The following CCDC85C variants were observed in gnomAD, a reference collection of about 807,000 sequenced individuals.
The protein encoded by CCDC85C is coiled-coil domain containing 85C.
A neutral mutation model predicts 38.3 loss-of-function variants in CCDC85C; 18 were observed. The ratio of observed to expected loss-of-function variants is 0.47; its 90% CI spans 0.33 to 0.70. The LOEUF (loss-of-function observed/expected upper bound fraction) is 0.70, where lower values mean the gene tolerates loss of function less well. CCDC85C is among the 30% of genes least tolerant of loss of function. The probability of loss-of-function intolerance (pLI) is 0.03; values close to 1 mark genes in which losing one functional copy is unlikely to be tolerated. For missense variants in CCDC85C, 566 were observed against 621.2 expected (o/e 0.91, Z 0.94); for synonymous variants, 264 against 293.8 (o/e 0.90, Z 1.04).
chr14:99,507,259 C>T lies in CCDC85C; in HGVS notation c.*7987G>A. On this transcript the variant is annotated 3_prime_UTR_variant, in exon 6 of 6. Coordinates refer to ENST00000380243, the MANE Select transcript of CCDC85C (RefSeq NM_001144995.2). ...AGACTGGGGCCCAGATTGACAATGT[C>T]AGCCACAGGCAGGAATCTTTGCAAA... is the stretch of plus-strand genomic sequence containing the variant. 1 of 760,302 alleles carries T rather than the reference C, an allele frequency of 1.3e-6. No individual in the cohort carries two copies. Among genetic ancestry groups the T allele is most frequent in the East Asian group, 2.5e-5 (1 of 40,730 alleles). The allele number at this position is 760,302 out of a possible 1,614,324, so 47.1% of individuals were successfully genotyped here.
chr14:99,517,941 G>C (rs1897251122), intron 3 of CCDC85C, among the ~76,000 whole-genome samples: 1 of 152,214 alleles, frequency 6.6e-6, no homozygotes, highest in Non-Finnish European at 1.5e-5. Context: ...GAACTTACAA[G>C]TGCCCAGAGC....
intron 1 of CCDC85C, among the ~76,000 whole-genome samples, chr14:99,585,991 G>T (rs2055021609): frequency 6.6e-6 from 1 of 152,226 alleles, no homozygotes. Context: ...GCCTTGGGTG[G>T]CACCCAGACC....
intron 1 of CCDC85C, among the ~76,000 whole-genome samples, chr14:99,568,571 C>T (rs576743690): frequency 7.8e-4 from 119 of 152,254 alleles, no homozygotes; most frequent in African/African-American, 2.8e-3. Flanking sequence ...GAGGACCCCG[C>T]TCAGGAAAGA....
intron 1 of CCDC85C, among the ~76,000 whole-genome samples, chr14:99,581,564 T>C (rs1199433211): frequency 6.6e-6 from 1 of 152,228 alleles, no homozygotes; most frequent in South Asian, 2.1e-4. Flanking sequence ...CCATGACCCC[T>C]GCCTCGGCCA....
rs1217317488 is a variant in CCDC85C at position 99,512,613 on chromosome 14, G to A, written c.*2633C>T. ...TGGGCTTGGCCACCTGGGCTGGGGC[G>A]AAAGGAGACCTCCATCTGTCACAGT... is the stretch of plus-strand genomic sequence containing the variant. On this transcript the variant is annotated 3_prime_UTR_variant, in exon 6 of 6. Coordinates refer to ENST00000380243, the MANE Select transcript of CCDC85C (RefSeq NM_001144995.2). The A allele has an allele frequency of 5.3e-5, 8 of 152,192 alleles. No homozygotes were observed. The highest frequency in any genetic ancestry group is 2.1e-4 in the South Asian group (1 of 4,832). 9.4% of individuals were successfully genotyped at this position (152,192 alleles called of 1,614,324 possible).
In CCDC85C at chr14:99,509,639, T is replaced by C. The variant is rs1018474122; in HGVS notation, c.*5607A>G. The C allele has an allele frequency of 6.0e-6, 1 of 166,894 alleles. No individual in the cohort carries two copies. The highest frequency in any genetic ancestry group is 1.3e-5 in the Non-Finnish European group (1 of 76,612). 10.3% of individuals were successfully genotyped at this position (166,894 alleles called of 1,614,324 possible). ...TTGATGTAGCCTCTCTTGAGTAGAA[T>C]AGAACCTGAATTGCTGCTTCGATGG... On this transcript the variant is annotated 3_prime_UTR_variant, in exon 6 of 6. Transcript: ENST00000380243.
chr14:99,595,616 A>G (rs2055134853), intron 1 of CCDC85C, among the ~76,000 whole-genome samples: 1 of 152,184 alleles, frequency 6.6e-6, no homozygotes, highest in Non-Finnish European at 1.5e-5. Context: ...CTGAGCTCCC[A>G]GCACACCTGA....
At chr14:99,519,344 T>G (rs1042514666) in intron 3 of CCDC85C, among the ~76,000 whole-genome samples, 1 of 149,290 alleles carries the variant, frequency 6.7e-6, no homozygotes, top group Non-Finnish European at 1.5e-5. Flanking sequence ...CTTGAACTCC[T>G]GGACTCAAGC....
chr14:99,506,681 C>G lies in CCDC85C; in HGVS notation c.*8565G>C. 1 of 189,080 alleles carries G rather than the reference C, an allele frequency of 5.3e-6. No homozygotes were observed. Among genetic ancestry groups the G allele is most frequent in the Non-Finnish European group, 1.1e-5 (1 of 89,684 alleles). The allele number at this position is 189,080 out of a possible 1,614,324, so 11.7% of individuals were successfully genotyped here. A position where few individuals can be genotyped will look rare whatever the true frequency, so the allele number is the denominator to read the frequency against. ...TCTCTTGTGGAACCCTCAGGGGACT[C>G]AGTGACATGATGTTGCTACTCTGGA... On this transcript the variant is annotated 3_prime_UTR_variant, in exon 6 of 6. Transcript: ENST00000380243.
At chr14:99,587,114 C>T (rs1469270158) in intron 1 of CCDC85C, among the ~76,000 whole-genome samples, 1 of 152,248 alleles carries the variant, frequency 6.6e-6, no homozygotes, top group East Asian at 1.9e-4. Context: ...CCTCCCTCTT[C>T]CTCCCAGATT....
At chr14:99,587,248 T>A (rs557877191) in intron 1 of CCDC85C, among the ~76,000 whole-genome samples, 1 of 152,246 alleles carries the variant, frequency 6.6e-6, no homozygotes, top group Non-Finnish European at 1.5e-5. Flanking sequence ...GAATCCCGGG[T>A]TCAGAGCAAG....
intron 1 of CCDC85C, among the ~76,000 whole-genome samples, chr14:99,567,780 G>A (rs1188335615): frequency 6.6e-6 from 1 of 152,258 alleles, no homozygotes; most frequent in Non-Finnish European, 1.5e-5. Flanking sequence ...AGCCTAGATC[G>A]CACCATTGCA....
Position 99,572,775 on chromosome 14 carries a change from A to G in CCDC85C, c.793+30392T>C, listed in dbSNP as rs1336287047. On this transcript the variant is annotated intron_variant, in intron 1 of 5. Coordinates refer to ENST00000380243, the MANE Select transcript of CCDC85C (RefSeq NM_001144995.2). This position sits in a 1 kb window ranked among gnomAD's most constrained non-coding sequence, Gnocchi z 4.4. ...TGTTTGCCAGTTTATCCATCTTCCA[A>G]AGGAGACTTCTGTCTGTCTTGCTTC... 2.0e-5 allele frequency: 9 copies of G among 456,114 alleles called. No individual in the cohort carries two copies. The highest frequency in any genetic ancestry group is 4.0e-5 in the Non-Finnish European group (9 of 226,808). The allele number at this position is 456,114 out of a possible 1,614,324, so 28.3% of individuals were successfully genotyped here. A position where few individuals can be genotyped will look rare whatever the true frequency, so the allele number is the denominator to read the frequency against.
intron 1 of CCDC85C, among the ~76,000 whole-genome samples, chr14:99,573,157 T>C (rs1447625637): frequency 2.0e-5 from 3 of 152,206 alleles, no homozygotes; most frequent in African/African-American, 7.2e-5. Flanking sequence ...CCCCGGTGCC[T>C]CGGAGTCCCC....
intron 1 of CCDC85C, among the ~76,000 whole-genome samples, chr14:99,591,115 G>A (rs2055080596): frequency 6.6e-6 from 1 of 152,206 alleles, no homozygotes; most frequent in South Asian, 2.1e-4. Context: ...TCCCTGGGAG[G>A]GAGGGGGTGC....
chr14:99,501,682 T>C lies in CCDC85C; in HGVS notation c.*13564A>G, dbSNP rs192835632. ...AAGTCCAAAACAATACACTGGAGAA[T>C]TTTGAAAACTAATTACTTAGAGCCC... On this transcript the variant is annotated 3_prime_UTR_variant, in exon 6 of 6. Coordinates refer to ENST00000380243, the MANE Select transcript of CCDC85C (RefSeq NM_001144995.2). 1.5e-3 allele frequency: 647 copies of C among 420,118 alleles called. 2 individuals carry two copies. The highest frequency in any genetic ancestry group is 2.0e-3 in the Non-Finnish European group (476 of 237,940). 26.0% of individuals were successfully genotyped at this position (420,118 alleles called of 1,614,324 possible). A position where few individuals can be genotyped will look rare whatever the true frequency, so the allele number is the denominator to read the frequency against.
intron 1 of CCDC85C, among the ~76,000 whole-genome samples, chr14:99,584,283 T>C (rs2055005008): frequency 1.3e-5 from 2 of 152,304 alleles, no homozygotes; most frequent in East Asian, 1.9e-4. Context: ...GTTTCCACAA[T>C]GAGCAATGGA....
rs1401556967 is a variant in CCDC85C, at chr14:99,603,379, G to A, written c.581C>T (p.Ala194Val). ...ASLSGPLSGG[A>V]PGAGARDVGD... ...CACGTCGCGGGCCCCCGCGCCGGGC[G>A]CGCCACCCGACAGCGGCCCGCTCAG... is the stretch of plus-strand genomic sequence containing the variant. The change falls in exon 1 of 6, where the codon GCG (alanine) becomes GTG (valine). Residue 194 changes from alanine (A) to valine (V), a missense_variant. By Grantham distance (64) the Ala-to-Val change is moderately conservative. This residue lies in a region of CCDC85C where 269 missense variants were observed against 308.2 expected (regional missense o/e 0.87). Transcript: ENST00000380243. This position sits in a 1 kb window ranked among gnomAD's most constrained non-coding sequence, Gnocchi z 7.5. The A allele has an allele frequency of 2.4e-5, 30 of 1,249,500 alleles. No individual in the cohort carries two copies. The highest frequency in any genetic ancestry group is 3.0e-5 in the Non-Finnish European group (30 of 998,870). The allele number at this position is 1,249,500 out of a possible 1,614,324, so 77.4% of individuals were successfully genotyped here. A position where few individuals can be genotyped will look rare whatever the true frequency, so the allele number is the denominator to read the frequency against.
At chr14:99,566,198 G>A (rs948214864) in intron 1 of CCDC85C, among the ~76,000 whole-genome samples, 22 of 152,322 alleles carry the variant, frequency 1.4e-4, no homozygotes, top group African/African-American at 4.3e-4. Flanking sequence ...CCACCCACTC[G>A]GTGGACGACT....
Sources: allele counts gnomAD v4.1 joint callset (sites outside exome capture counted in the v4.1 genomes callset), GRCh38; gene constraint gnomAD v4.1.1; regional missense constraint gnomAD v4.1.1; non-coding constraint Gnocchi (gnomAD v3.1); transcripts MANE v1.5; gene names NCBI Gene and HGNC (gene_info 2026-07-23, HGNC 2026-07-21).